DLG2: variants seen among roughly 807,000 people sequenced by gnomAD.
DLG2 encodes discs large MAGUK scaffold protein 2.
Under a neutral mutation model 132.5 loss-of-function variants are expected in DLG2, and 45 were observed. That is an observed-to-expected ratio of 0.34 (90% CI 0.27 to 0.44). DLG2 has a LOEUF of 0.44. Ranked by LOEUF, DLG2 falls within the 20% of genes least tolerant of loss-of-function variation. The pLI is 1.00. For missense variants in DLG2, 1,045 were observed against 1,196.9 expected, an observed-to-expected ratio of 0.87 and a Z score of 1.87; for synonymous variants, 424 against 419.6, an observed-to-expected ratio of 1.01 and a Z score of -0.13.
chr11:84,549,007 T>G (rs1026301390), intron 6 of DLG2, among the ~76,000 whole-genome samples: 5 of 152,202 alleles, frequency 3.3e-5, no homozygotes, highest in Non-Finnish European at 5.9e-5. Flanking sequence ...GTATTTGCTT[T>G]GTTGTACTGG....
At chr11:84,966,628 T>A (rs1456544740) in intron 6 of DLG2, among the ~76,000 whole-genome samples, 1 of 152,118 alleles carries the variant, frequency 6.6e-6, no homozygotes, top group Non-Finnish European at 1.5e-5. Flanking sequence ...AAGATATTTT[T>A]AGAAAGGCAA....
At chr11:85,249,011 ATTTAC>A (rs1381428115) in intron 4 of DLG2, among the ~76,000 whole-genome samples, 2 of 152,100 alleles carry the variant, frequency 1.3e-5, no homozygotes, top group African/African-American at 4.8e-5. Flanking sequence ...GGGGAGAGCA[ATTTAC>A]ATCTAAGGAT....
intron 8 of DLG2, among the ~76,000 whole-genome samples, chr11:84,207,276 C>T (rs2096683140): frequency 6.6e-6 from 1 of 151,652 alleles, no homozygotes; most frequent in Admixed American, 6.6e-5. Flanking sequence ...AGGCTTTCTG[C>T]AGAATTTGGT....
chr11:83,739,872 A>G (rs543834805), intron 18 of DLG2, among the ~76,000 whole-genome samples: 3 of 152,230 alleles, frequency 2.0e-5, no homozygotes, highest in African/African-American at 4.8e-5. Flanking sequence ...CATGAGAGGT[A>G]TGTAGGAAGT....
intron 4 of DLG2, among the ~76,000 whole-genome samples, chr11:85,197,726 C>A (rs1426985496): frequency 6.6e-6 from 1 of 152,094 alleles, no homozygotes; most frequent in Non-Finnish European, 1.5e-5. Context: ...AAGAGAGGAC[C>A]TAAGCACTGA....
intron 21 of DLG2, among the ~76,000 whole-genome samples, chr11:83,506,540 T>C (rs1035152024): frequency 1.3e-5 from 2 of 152,184 alleles, no homozygotes; most frequent in African/African-American, 4.8e-5. Flanking sequence ...AGGTGGCTCC[T>C]GAGGAGAATC....
chr11:85,024,868 T>A (rs1391377975), intron 6 of DLG2, among the ~76,000 whole-genome samples: 3 of 152,216 alleles, frequency 2.0e-5, no homozygotes, highest in African/African-American at 7.2e-5. Context: ...ACTAAAGTTA[T>A]TCCTTCCAAG....
intron 6 of DLG2, among the ~76,000 whole-genome samples, chr11:84,546,269 G>T (rs369352767): frequency 4.0e-4 from 61 of 152,248 alleles, no homozygotes; most frequent in Middle Eastern, 3.4e-3. Context: ...TTGTTTGGAA[G>T]TGTGAAGCAT....
At chr11:83,741,974 A>C (rs1000159757) in intron 18 of DLG2, among the ~76,000 whole-genome samples, 1 of 152,104 alleles carries the variant, frequency 6.6e-6, no homozygotes, top group Non-Finnish European at 1.5e-5. Context: ...GAAAACTCAC[A>C]CTGTATTTTG....
intron 10 of DLG2, among the ~76,000 whole-genome samples, chr11:84,098,369 T>C (rs2097195897): frequency 6.6e-6 from 1 of 152,116 alleles, no homozygotes; most frequent in African/African-American, 2.4e-5. Flanking sequence ...ATGAAGCTGC[T>C]TTCCCTTTTT....
At chr11:85,246,406 A>G (rs550896039) in intron 4 of DLG2, among the ~76,000 whole-genome samples, 1 of 152,022 alleles carries the variant, frequency 6.6e-6, no homozygotes, top group Non-Finnish European at 1.5e-5. Flanking sequence ...CTTGAATTCC[A>G]TATCAAAACT....
chr11:84,835,736 C>T (rs2079669150), intron 6 of DLG2, among the ~76,000 whole-genome samples: 1 of 151,560 alleles, frequency 6.6e-6, no homozygotes, highest in East Asian at 1.9e-4. Flanking sequence ...CTATATACAT[C>T]ATAGTCATTT....
intron 15 of DLG2, among the ~76,000 whole-genome samples, chr11:83,928,070 G>A (rs2079324269): frequency 6.6e-6 from 1 of 151,986 alleles, no homozygotes; most frequent in Admixed American, 6.6e-5. Context: ...ATAGCTGTCT[G>A]TGTGTTTTTG....
At position 84,807,379 on chromosome 11, in the gene DLG2, G is replaced by A. The variant is rs561413164; in HGVS notation, c.358-272648C>T. On this transcript the variant is annotated intron_variant, in intron 6 of 27. Coordinates refer to ENST00000376104, the MANE Select transcript of DLG2 (RefSeq NM_001142699.3). ...GAGAATCGCTTGAACCCGGGAGGCA[G>A]ATGTTGCAGTGAGCCGAGATTGTGC... Among the ~76,000 whole-genome samples the A allele has an allele frequency of 2.9e-3, 439 of 152,252 alleles. 2 individuals are homozygous for A. Among genetic ancestry groups the A allele is most frequent in the African/African-American group, 0.01 (424 of 41,546 alleles).
At chr11:85,002,501 T>C (rs1320596025) in intron 6 of DLG2, among the ~76,000 whole-genome samples, 2 of 152,214 alleles carry the variant, frequency 1.3e-5, no homozygotes, top group Non-Finnish European at 2.9e-5. Context: ...CTCTCCATGA[T>C]AATTGATCTT....
chr11:85,419,113 G>GC (rs1189959963), intron 3 of DLG2, among the ~76,000 whole-genome samples: 1 of 152,142 alleles, frequency 6.6e-6, no homozygotes, highest in Non-Finnish European at 1.5e-5. Context: ...TTAAGGCCAG[G>GC]CCCTGTGGTA....
intron 16 of DLG2, among the ~76,000 whole-genome samples, chr11:83,861,629 AC>A (rs2061472225): frequency 6.6e-6 from 1 of 152,198 alleles, no homozygotes; most frequent in Non-Finnish European, 1.5e-5. Flanking sequence ...AGAAAGATAA[AC>A]GTCATATTTT....
chr11:83,748,926 CT>C (rs1331261584), intron 18 of DLG2, among the ~76,000 whole-genome samples: 2 of 152,132 alleles, frequency 1.3e-5, no homozygotes, highest in African/African-American at 2.4e-5. Flanking sequence ...ATTTTCCGTA[CT>C]CTTTTAAAAG....
At chr11:85,318,393 A>G (rs2080831716) in intron 3 of DLG2, among the ~76,000 whole-genome samples, 1 of 151,924 alleles carries the variant, frequency 6.6e-6, no homozygotes, top group Non-Finnish European at 1.5e-5. Flanking sequence ...AAGCAGCAGA[A>G]ACCCAGTAGA....
Sources: allele counts gnomAD v4.1 joint callset (sites outside exome capture counted in the v4.1 genomes callset), GRCh38; gene constraint gnomAD v4.1.1; transcripts MANE v1.5; gene names NCBI Gene and HGNC (gene_info 2026-07-23, HGNC 2026-07-21).